The following RABGAP1L variants were observed in gnomAD, a reference collection of about 807,000 sequenced individuals.
RABGAP1L encodes RAB GTPase activating protein 1 like.
A neutral mutation model predicts 137.7 loss-of-function variants in RABGAP1L; 63 were observed. The ratio of observed to expected loss-of-function variants is 0.46; its 90% CI spans 0.37 to 0.56. The LOEUF (loss-of-function observed/expected upper bound fraction) is 0.56. RABGAP1L is among the 20% of genes least tolerant of loss of function. RABGAP1L has a pLI of 0.00. For missense variants in RABGAP1L, 1,095 were observed against 1,244.0 expected, an observed-to-expected ratio of 0.88 and a Z score of 1.80; for synonymous variants, 431 against 433.7, an observed-to-expected ratio of 0.99 and a Z score of 0.08.
intron 19 of RABGAP1L, among the ~76,000 whole-genome samples, chr1:174,847,211 A>C (rs1159615001): frequency 1.3e-4 from 20 of 150,392 alleles, no homozygotes; most frequent in African/African-American, 4.4e-4. Flanking sequence ...TTAATTGGAG[A>C]ATTGAGTCCA....
intron 1 of RABGAP1L, among the ~76,000 whole-genome samples, chr1:174,215,133 A>G (rs1401846949): frequency 6.6e-6 from 1 of 152,096 alleles, no homozygotes; most frequent in Admixed American, 6.5e-5. Context: ...AGCGCAAACA[A>G]CTCTATAGGA....
At chr1:174,910,857 A>C (rs1378174607) in intron 19 of RABGAP1L, among the ~76,000 whole-genome samples, 1 of 152,214 alleles carries the variant, frequency 6.6e-6, no homozygotes, top group Non-Finnish European at 1.5e-5. Flanking sequence ...TTCTATATTT[A>C]ACTATTAAGG....
chr1:174,698,983 TTTTTATTTTA>T (rs1273794698), intron 15 of RABGAP1L, among the ~76,000 whole-genome samples: 1 of 151,274 alleles, frequency 6.6e-6, no homozygotes, highest in Admixed American at 6.6e-5. Context: ...TTTTACATTG[TTTTTATTTTA>T]TTTTATTTTA....
At chr1:174,768,980 GT>G (rs201674231) in intron 18 of RABGAP1L, among the ~76,000 whole-genome samples, 3 of 150,212 alleles carry the variant, frequency 2.0e-5, no homozygotes, top group South Asian at 2.1e-4. Flanking sequence ...TATCAGAAAA[GT>G]TTTTTTTTTC....
At chr1:174,962,204 C>CCT (rs1553295782) in intron 20 of RABGAP1L, among the ~76,000 whole-genome samples, 1 of 125,536 alleles carries the variant, frequency 8.0e-6, no homozygotes, top group Non-Finnish European at 1.7e-5. Context: ...ACACCCCCCC[C>CCT]CCACACACAC....
intron 7 of RABGAP1L, among the ~76,000 whole-genome samples, chr1:174,254,277 G>A (rs1362491093): frequency 1.3e-5 from 2 of 152,118 alleles, no homozygotes; most frequent in African/African-American, 4.8e-5. Context: ...AGATGCATGT[G>A]TTTTCATATT....
chr1:174,623,214 A>T (rs1672673231), intron 13 of RABGAP1L, among the ~76,000 whole-genome samples: 1 of 152,192 alleles, frequency 6.6e-6, no homozygotes. Flanking sequence ...GTCAGAGGAA[A>T]AGTTGAACAA....
Position 174,250,574 on chromosome 1 carries a change from G to A in RABGAP1L, c.817G>A (p.Val273Met). The change falls in exon 6 of 26, where the codon GTG becomes ATG. Residue 273 changes from valine to methionine, a missense_variant. Around this residue, in one of 4 missense-constraint regions of RABGAP1L, gnomAD observed 356 missense variants for 326.3 expected, o/e 1.09. Coordinates refer to ENST00000681986, the MANE Select transcript of RABGAP1L (RefSeq NM_001366446.1). ...AGTTATTCCTACCCCCGACAGTGAT[G>A]TGTTTACCTTCAGTGTCTCCTTGGA... ...DSVIPTPDSD[V>M]FTFSVSLEVK... The A allele has an allele frequency of 1.2e-6, 2 of 1,613,968 alleles. No homozygotes were observed. The highest frequency in any genetic ancestry group is 1.3e-5 in the African/African-American group (1 of 75,016).
At chr1:174,784,812 C>T (rs1004511968) in intron 18 of RABGAP1L, among the ~76,000 whole-genome samples, 1 of 152,150 alleles carries the variant, frequency 6.6e-6, no homozygotes, top group Admixed American at 6.5e-5. Flanking sequence ...TCTACAAGCC[C>T]TTGCATGGTT....
intron 19 of RABGAP1L, among the ~76,000 whole-genome samples, chr1:174,899,936 G>C (rs971792543): frequency 1.3e-5 from 2 of 151,828 alleles, no homozygotes; most frequent in African/African-American, 4.8e-5. Flanking sequence ...GGGAATGTTT[G>C]GGGGGGTAGA....
At position 174,957,343 on chromosome 1, in the gene RABGAP1L, CTT is replaced by C. The variant is rs1668637480; in HGVS notation, c.2341-112_2341-111del. On this transcript the variant is annotated intron_variant, in intron 19 of 25. Coordinates refer to ENST00000681986, the MANE Select transcript of RABGAP1L (RefSeq NM_001366446.1). ...TCTGGAATCTCTATTTTTCTCCTAACTTTGAGTTGAGCATGTTCCCTTAGAAT... is the reference window on the plus strand; with the variant it reads ...TCTGGAATCTCTATTTTTCTCCTAACTGAGTTGAGCATGTTCCCTTAGAAT... The C allele has an allele frequency of 3.9e-6, 3 of 772,722 alleles. No individual in the cohort carries two copies. In the African/African-American group the frequency reaches 5.3e-5, roughly 14 times the overall value. The allele number at this position is 772,722 out of a possible 1,614,324, so 47.9% of individuals were successfully genotyped here.
chr1:174,564,138 C>T (rs753104500), intron 13 of RABGAP1L, among the ~76,000 whole-genome samples: 19 of 152,056 alleles, frequency 1.2e-4, no homozygotes, highest in South Asian at 6.2e-4. Flanking sequence ...TATCATTGTT[C>T]CCAAAACACA....
At chr1:174,293,018 C>G (rs1317531008) in intron 10 of RABGAP1L, among the ~76,000 whole-genome samples, 1 of 152,118 alleles carries the variant, frequency 6.6e-6, no homozygotes, top group East Asian at 1.9e-4. Flanking sequence ...GGTGGTGGAC[C>G]AGGAATTGAA....
intron 2 of RABGAP1L, among the ~76,000 whole-genome samples, chr1:174,219,555 T>C (rs1452774301): frequency 1.1e-5 from 1 of 91,088 alleles, no homozygotes; most frequent in Non-Finnish European, 2.7e-5. Flanking sequence ...GAATTAGACA[T>C]AATGGTTAAA....
chr1:174,280,670 A>G (rs1427039973), intron 10 of RABGAP1L, among the ~76,000 whole-genome samples: 4 of 152,202 alleles, frequency 2.6e-5, no homozygotes, highest in Non-Finnish European at 4.4e-5. Context: ...CATTTCATTC[A>G]TTGTCCATTT....
chr1:174,327,956 A>AATATATATATATACATAC lies in RABGAP1L; in HGVS notation c.1465+22842_1465+22843insCATACATATATATATATA, dbSNP rs1680586214. ...AGAGCAAAAGGATATAACAGTTGTA[A>AATATATATATATACATAC]ATATATATATATATATATATATACA... is the stretch of plus-strand genomic sequence containing the variant. On this transcript the variant is annotated intron_variant, in intron 11 of 25. Transcript: ENST00000681986. Among the ~76,000 whole-genome samples, 4 of 97,970 alleles carry AATATATATATATACATAC rather than the reference A, an allele frequency of 4.1e-5. No individual in the cohort carries two copies. The Admixed American group carries it at 4.6e-4, about 11-fold the overall frequency. 64.3% of individuals were successfully genotyped at this position (97,970 alleles called of 152,430 possible).
chr1:174,670,536 G>A (rs1028109594), intron 14 of RABGAP1L, among the ~76,000 whole-genome samples: 2 of 151,768 alleles, frequency 1.3e-5, no homozygotes, highest in African/African-American at 4.8e-5. Context: ...CCTTTTCTCT[G>A]CATTCTCCCA....
intron 17 of RABGAP1L, among the ~76,000 whole-genome samples, chr1:174,721,394 A>G (rs1467107346): frequency 2.0e-5 from 3 of 152,192 alleles, no homozygotes; most frequent in African/African-American, 7.2e-5. Context: ...ATATCCAGCA[A>G]TATTTCTGTG....
At chr1:174,857,255 C>A (rs1367084206) in intron 19 of RABGAP1L, among the ~76,000 whole-genome samples, 1 of 152,162 alleles carries the variant, frequency 6.6e-6, no homozygotes, top group Non-Finnish European at 1.5e-5. Flanking sequence ...AGTCCCAGGG[C>A]CTGAGAGCCG....
Sources: gnomAD v4.1 joint callset for allele counts (sites outside exome capture counted in the v4.1 genomes callset) on GRCh38, gnomAD v4.1.1 for gene constraint, gnomAD v4.1.1 regional missense constraint, MANE v1.5 for transcripts, NCBI Gene and HGNC (gene_info 2026-07-23, HGNC 2026-07-21) for gene names.